Variants in MARCHF1 observed in about 807,000 individuals in gnomAD.
MARCHF1 encodes membrane associated ring-CH-type finger 1.
In MARCHF1, 40 loss-of-function variants were observed where a neutral mutation model predicts 54.2. That is an observed-to-expected ratio of 0.74 (90% CI 0.57 to 0.96). MARCHF1 has a LOEUF of 0.96. Ranked by LOEUF, MARCHF1 falls within the 40% of genes least tolerant of loss-of-function variation. MARCHF1 has a pLI of 0.00. For synonymous variants in MARCHF1, 236 were observed against 236.3 expected (o/e 1.00, Z 0.01); for missense variants, 586 against 656.5 (o/e 0.89, Z 1.17).
intron 2 of MARCHF1, among the ~76,000 whole-genome samples, chr4:164,026,762 A>G (rs1753776097): frequency 6.6e-6 from 1 of 152,146 alleles, no homozygotes; most frequent in African/African-American, 2.4e-5. Flanking sequence ...GAAAGAAATA[A>G]AAGTTATTTA....
intron 1 of MARCHF1, chr4:164,196,890 C>A: frequency 7.8e-7 from 1 of 1,290,024 alleles, no homozygotes; most frequent in Non-Finnish European, 1.1e-6. Context: ...AAGTAAGTTT[C>A]AGGGGGCAGG....
chr4:163,683,879 T>C (rs182921779), intron 5 of MARCHF1, among the ~76,000 whole-genome samples: 1 of 150,910 alleles, frequency 6.6e-6, no homozygotes, highest in East Asian at 2.0e-4. Context: ...AAGGCAGACA[T>C]CATGTGGAGG....
intron 4 of MARCHF1, among the ~76,000 whole-genome samples, chr4:163,802,813 G>A (rs937532750): frequency 2.6e-5 from 4 of 152,188 alleles, no homozygotes; most frequent in Non-Finnish European, 5.9e-5. Context: ...GCTAAGCATA[G>A]ATCAGTCAAG....
intron 5 of MARCHF1, among the ~76,000 whole-genome samples, chr4:163,698,903 A>T (rs1744716109): frequency 6.6e-6 from 1 of 152,198 alleles, no homozygotes; most frequent in Non-Finnish European, 1.5e-5. Context: ...TCATTGTGAA[A>T]CTAGGGTGAT....
intron 4 of MARCHF1, among the ~76,000 whole-genome samples, chr4:163,739,468 A>G (rs532308312): frequency 6.6e-6 from 1 of 152,354 alleles, no homozygotes; most frequent in South Asian, 2.1e-4. Context: ...AAGAATGGCA[A>G]AATTGTATGT....
intron 4 of MARCHF1, among the ~76,000 whole-genome samples, chr4:163,802,921 C>T (rs941848203): frequency 9.9e-5 from 15 of 152,076 alleles, no homozygotes; most frequent in African/African-American, 3.6e-4. Flanking sequence ...GCTTTCACAT[C>T]GCAGAAATGA....
At chr4:164,142,416 G>A (rs1269071128) in intron 1 of MARCHF1, among the ~76,000 whole-genome samples, 1 of 152,148 alleles carries the variant, frequency 6.6e-6, no homozygotes, top group Non-Finnish European at 1.5e-5. Flanking sequence ...AGACTTAAAT[G>A]TCCCTGTCTG....
intron 1 of MARCHF1, among the ~76,000 whole-genome samples, chr4:164,171,062 C>A (rs2110974986): frequency 6.6e-6 from 1 of 152,146 alleles, no homozygotes; most frequent in South Asian, 2.1e-4. Flanking sequence ...TTATAGTAAC[C>A]AACATATTTA....
chr4:163,952,413 TG>T (rs1752151713), intron 3 of MARCHF1, among the ~76,000 whole-genome samples: 1 of 152,194 alleles, frequency 6.6e-6, no homozygotes, highest in African/African-American at 2.4e-5. Flanking sequence ...TCCATCTCTC[TG>T]GGCTATAAGG....
At chr4:164,095,575 T>C (rs1170238769) in intron 2 of MARCHF1, among the ~76,000 whole-genome samples, 1 of 152,118 alleles carries the variant, frequency 6.6e-6, no homozygotes, top group Non-Finnish European at 1.5e-5. Context: ...TTTTTGATAC[T>C]ATAACATAAT....
At chr4:163,539,546 G>A (rs534628023) in intron 9 of MARCHF1, among the ~76,000 whole-genome samples, 1 of 152,314 alleles carries the variant, frequency 6.6e-6, no homozygotes, top group East Asian at 1.9e-4. Context: ...GCTTTCACAG[G>A]TGTCTACCAG....
At chr4:164,099,399 T>C (rs1244703033) in intron 2 of MARCHF1, among the ~76,000 whole-genome samples, 1 of 152,230 alleles carries the variant, frequency 6.6e-6, no homozygotes, top group Non-Finnish European at 1.5e-5. Context: ...TCATTTTCTA[T>C]AATTGTACAA....
chr4:163,599,136 G>T (rs1740865570), intron 7 of MARCHF1, among the ~76,000 whole-genome samples: 1 of 151,612 alleles, frequency 6.6e-6, no homozygotes, highest in South Asian at 2.1e-4. Flanking sequence ...ACAAATACAA[G>T]AAATTAGCTG....
chr4:163,766,528 T>C (rs28633316), intron 4 of MARCHF1, among the ~76,000 whole-genome samples: 75,917 of 152,050 alleles, frequency 0.5, 19,070 homozygotes, highest in African/African-American at 0.55. Context: ...GCACAGACTC[T>C]GTTCTACTCT....
intron 1 of MARCHF1, among the ~76,000 whole-genome samples, chr4:164,176,173 C>T (rs1730657496): frequency 6.6e-6 from 1 of 152,080 alleles, no homozygotes; most frequent in Non-Finnish European, 1.5e-5. Flanking sequence ...TCTCACTTAC[C>T]TCAAACCTTT....
At chr4:163,965,843 T>C (rs1433345740) in intron 3 of MARCHF1, among the ~76,000 whole-genome samples, 1 of 152,096 alleles carries the variant, frequency 6.6e-6, no homozygotes, top group Admixed American at 6.6e-5. Context: ...CAGATCGTGA[T>C]AGGTTCAATC....
chr4:163,671,436 G>A (rs2111131189), intron 5 of MARCHF1, among the ~76,000 whole-genome samples: 1 of 152,300 alleles, frequency 6.6e-6, no homozygotes, highest in Admixed American at 6.5e-5. Flanking sequence ...GGTAAAGGCA[G>A]AGTATAATAG....
chr4:163,617,071 C>T (rs75572621), intron 5 of MARCHF1, among the ~76,000 whole-genome samples: 7,210 of 152,126 alleles, frequency 0.047, 217 homozygotes, highest in Non-Finnish European at 0.07. Context: ...ATTTTATTTA[C>T]TCATAAAAAC....
At chr4:164,239,445 T>C (rs1000163488) in intron 1 of MARCHF1, among the ~76,000 whole-genome samples, 4 of 152,144 alleles carry the variant, frequency 2.6e-5, no homozygotes, top group African/African-American at 7.2e-5. Context: ...ACTTTTAGTA[T>C]TTGATAACTT....
Sources: gnomAD v4.1 joint callset for allele counts (sites outside exome capture counted in the v4.1 genomes callset) on GRCh38, gnomAD v4.1.1 for gene constraint, MANE v1.5 for transcripts, NCBI Gene and HGNC (gene_info 2026-07-23, HGNC 2026-07-21) for gene names.